NKTR: variants seen among roughly 807,000 people sequenced by gnomAD.
NKTR encodes the protein NK-tumor recognition protein.
Under a neutral mutation model 156.3 loss-of-function variants are expected in NKTR, and 67 were observed. The ratio of observed to expected loss-of-function variants is 0.43; its 90% CI spans 0.35 to 0.53. The LOEUF is 0.53. Among genes scored for constraint, NKTR ranks in the 20% least tolerant of loss-of-function variants. NKTR has a pLI of 0.01. For missense variants in NKTR, 1,604 were observed against 1,730.9 expected (o/e 0.93, Z 1.30); for synonymous variants, 640 against 596.6 (o/e 1.07, Z -1.06).
intron 2 of NKTR, among the ~76,000 whole-genome samples, chr3:42,612,629 A>T (rs1259480245): frequency 6.6e-6 from 1 of 152,154 alleles, no homozygotes; most frequent in Non-Finnish European, 1.5e-5. Context: ...TTTTTGACTT[A>T]TATCTCAGGG....
chr3:42,635,499 C>G (rs1709316517), intron 12 of NKTR, 133 bp downstream of exon 12: 2 of 654,108 alleles, frequency 3.1e-6, no homozygotes, highest in South Asian at 2.5e-5. Flanking sequence ...AAAGGAAATA[C>G]ATTTGGGACT....
At chr3:42,612,643 T>G (rs1279939641) in intron 2 of NKTR, among the ~76,000 whole-genome samples, 1 of 152,198 alleles carries the variant, frequency 6.6e-6, no homozygotes, top group Non-Finnish European at 1.5e-5. Flanking sequence ...CTCAGGGATA[T>G]GTATTCAAAT....
chr3:42,642,684 A>C (rs911562162), intron 14 of NKTR, 88 bp downstream of exon 14: 69 of 903,374 alleles, frequency 7.6e-5, no homozygotes, highest in Non-Finnish European at 1.2e-4. Context: ...TGTTGAGAAG[A>C]ATCATGTCAT....
At position 42,645,926 on chromosome 3, in the gene NKTR, G is replaced by C. The variant is rs573991985; in HGVS notation, c.4340G>C (p.Arg1447Pro). 1 of 1,613,468 alleles carries C rather than the reference G, an allele frequency of 6.2e-7. No individual in the cohort carries two copies. Among genetic ancestry groups the C allele is most frequent in the Non-Finnish European group, 8.5e-7 (1 of 1,179,584 alleles). ...RSYGSDSESD[R>P]SYSHHRSPSE... ...TATGGCTCTGACAGTGAAAGTGACC[G>C]AAGTTACTCTCATCACCGGAGCCCC... is the stretch of plus-strand genomic sequence containing the variant. Residue 1447 changes from arginine to proline, a missense_variant, in exon 17 of 17, where the codon CGA (arginine) becomes CCA (proline). Arg to Pro is a moderately radical substitution (Grantham distance 103). Coordinates refer to ENST00000232978, the MANE Select transcript of NKTR (RefSeq NM_005385.4).
Position 42,639,050 on chromosome 3 carries a change from C to G in NKTR, c.3346C>G (p.Pro1116Ala), listed in dbSNP as rs765724634. The G allele has an allele frequency of 1.2e-6, 2 of 1,613,938 alleles. No individual in the cohort carries two copies. Among genetic ancestry groups the G allele is most frequent in the East Asian group, 2.2e-5 (1 of 44,872 alleles). The change falls in exon 13 of 17, where the codon CCC becomes GCC. Residue 1116 changes from proline to alanine, a missense_variant. This residue lies in a region of NKTR where 1,255 missense variants were observed against 1,243.7 expected (regional missense o/e 1.01). Coordinates refer to ENST00000232978, the MANE Select transcript of NKTR (RefSeq NM_005385.4). Reference sequence around the variant, plus strand: ...CATTCAGCACGTTGAAGAAAGTGTTCCCAATGGAGTGGAAGATGTGCTTCA... The same window carrying G: ...CATTCAGCACGTTGAAGAAAGTGTTGCCAATGGAGTGGAAGATGTGCTTCA... ...QNIQHVEESV[P>A]NGVEDVLQTD...
intron 6 of NKTR, chr3:42,628,646 A>C: frequency 3.0e-6 from 3 of 985,340 alleles, no homozygotes; most frequent in South Asian, 9.4e-5. Flanking sequence ...GAAACCATAC[A>C]TCGTTTTTAC....
Position 42,646,097 on chromosome 3 carries a change from T to A in NKTR, c.*122T>A. The A allele has an allele frequency of 1.6e-6, 1 of 615,860 alleles. No homozygotes were observed. Among genetic ancestry groups the A allele is most frequent in the Non-Finnish European group, 2.9e-6 (1 of 342,556 alleles). The allele number at this position is 615,860 out of a possible 1,614,324, so 38.1% of individuals were successfully genotyped here. A position where few individuals can be genotyped will look rare whatever the true frequency, so the allele number is the denominator to read the frequency against. Reference sequence around the variant, plus strand: ...GTGAATTTCAAAAATAGACACTTCTTAATTGTTACTGGTTCATTTACATGT... The same window carrying A: ...GTGAATTTCAAAAATAGACACTTCTAAATTGTTACTGGTTCATTTACATGT... On this transcript the variant is annotated 3_prime_UTR_variant, in exon 17 of 17. Transcript: ENST00000232978.
intron 2 of NKTR, among the ~76,000 whole-genome samples, chr3:42,604,862 G>A (rs1222412962): frequency 6.6e-6 from 1 of 150,968 alleles, no homozygotes; most frequent in Non-Finnish European, 1.5e-5. Flanking sequence ...CTAATTTTTT[G>A]TATTTTTAGT....
chr3:42,620,372 T>C, intron 5 of NKTR: 2 of 1,061,556 alleles, frequency 1.9e-6, no homozygotes, highest in Non-Finnish European at 2.3e-6. Flanking sequence ...TTTATTCTCA[T>C]AATAGTAGCA....
At chr3:42,606,013 G>A (rs942472861) in intron 2 of NKTR, among the ~76,000 whole-genome samples, 4 of 152,136 alleles carry the variant, frequency 2.6e-5, no homozygotes, top group East Asian at 1.9e-4. Flanking sequence ...GAAGAGTGGC[G>A]TGGGAGAGAA....
In NKTR at chr3:42,601,074, A is replaced by G; in HGVS notation, c.58+10A>G. 1 of 1,559,208 alleles carries G rather than the reference A, an allele frequency of 6.4e-7. No individual in the cohort carries two copies. The highest frequency in any genetic ancestry group is 8.7e-7 in the Non-Finnish European group (1 of 1,155,292). On this transcript the variant is annotated intron_variant, in intron 2 of 16. Coordinates refer to ENST00000232978, the MANE Select transcript of NKTR (RefSeq NM_005385.4). ...ATCAACCGGGAGCCGGGTGAGCTGG[A>G]AACTGGGGAGCGCTGCTGGGGCCGA...
Position 42,648,126 on chromosome 3 carries a change from C to CTG in NKTR, c.*2151_*2152insTG, listed in dbSNP as rs1710469726. Reference sequence around the variant, plus strand: ...TCAAACCAGCCTTCCTGCTCTTTCTCATGCTTCATATCTCTCTCCCGTCCT... The same window carrying CTG: ...TCAAACCAGCCTTCCTGCTCTTTCTCTGATGCTTCATATCTCTCTCCCGTCCT... On this transcript the variant is annotated 3_prime_UTR_variant, in exon 17 of 17. Coordinates refer to ENST00000232978, the MANE Select transcript of NKTR (RefSeq NM_005385.4). 6.6e-6 allele frequency: 1 copy of CTG among 152,252 alleles called. No homozygotes were observed. Among genetic ancestry groups the CTG allele is most frequent in the Non-Finnish European group, 1.5e-5 (1 of 68,058 alleles). 9.4% of individuals were successfully genotyped at this position (152,252 alleles called of 1,614,324 possible). A position where few individuals can be genotyped will look rare whatever the true frequency, so the allele number is the denominator to read the frequency against.
chr3:42,630,058 A>G lies in NKTR; in HGVS notation c.375-488A>G, dbSNP rs985200497. 9 of 985,528 alleles carry G rather than the reference A, an allele frequency of 9.1e-6. No homozygotes were observed. The Middle Eastern group carries it at 1.5e-3, about 170-fold the overall frequency. 61.0% of individuals were successfully genotyped at this position (985,528 alleles called of 1,614,324 possible). Reference sequence around the variant, plus strand: ...GAGACCTACCTCTGCCTGCCTAAAAATGTGGACTGACTCAGTATGAGAAAT... The same window carrying G: ...GAGACCTACCTCTGCCTGCCTAAAAGTGTGGACTGACTCAGTATGAGAAAT... On this transcript the variant is annotated intron_variant, in intron 6 of 16. Transcript: ENST00000232978.
intron 2 of NKTR, chr3:42,612,508 C>T (rs1025605418): frequency 6.6e-6 from 1 of 152,106 alleles, no homozygotes; most frequent in African/African-American, 2.4e-5. Context: ...TAACATCCGG[C>T]CTCATTTCCT....
In NKTR at chr3:42,639,160, G is replaced by A. The variant is rs1279716805; in HGVS notation, c.3456G>A (p.Arg1152=). Residue 1152 remains arginine, a synonymous_variant, in exon 13 of 17, where the codon CGG becomes CGA. Transcript: ENST00000232978. ...VEETSPLGNA[R]LDTPDINIVL... is the part of the protein sequence containing the mutation. Reference sequence around the variant, plus strand: ...AGACTTCCCCTCTAGGAAATGCACGGCTTGATACCCCAGATATAAACATTG... The same window carrying A: ...AGACTTCCCCTCTAGGAAATGCACGACTTGATACCCCAGATATAAACATTG... 3.7e-6 allele frequency: 6 copies of A among 1,614,146 alleles called. No homozygotes were observed. Among genetic ancestry groups the A allele is most frequent in the Non-Finnish European group, 5.1e-6 (6 of 1,180,022 alleles).
intron 2 of NKTR, among the ~76,000 whole-genome samples, chr3:42,615,549 A>G (rs1707278055): frequency 6.6e-6 from 1 of 152,200 alleles, no homozygotes; most frequent in East Asian, 1.9e-4. Flanking sequence ...AACTTTGAAC[A>G]GCTTTCATTT....
intron 6 of NKTR, chr3:42,628,624 G>A (rs1480445177): frequency 1.0e-6 from 1 of 985,108 alleles, no homozygotes; most frequent in Non-Finnish European, 1.2e-6. Context: ...GAGAAGGAAT[G>A]TATCTAATCA....
At chr3:42,627,635 T>A in intron 6 of NKTR, 1 of 985,192 alleles carries the variant, frequency 1.0e-6, no homozygotes, top group Non-Finnish European at 1.2e-6. Flanking sequence ...CACACATGTT[T>A]TTTAAAGTAG....
intron 6 of NKTR, chr3:42,627,252 C>T (rs1365278145): frequency 1.0e-6 from 1 of 985,142 alleles, no homozygotes; most frequent in Non-Finnish European, 1.2e-6. Flanking sequence ...CTCTAAGGCT[C>T]TCTCTCTCTT....
Sources: gnomAD v4.1 joint callset for allele counts (sites outside exome capture counted in the v4.1 genomes callset) on GRCh38, gnomAD v4.1.1 for gene constraint, gnomAD v4.1.1 regional missense constraint, MANE v1.5 for transcripts, NCBI Gene and HGNC (gene_info 2026-07-23, HGNC 2026-07-21) for gene names.